Variants in LRMDA observed in about 807,000 individuals in gnomAD.
LRMDA encodes leucine rich melanocyte differentiation associated.
In LRMDA, 18 loss-of-function variants were observed where a neutral mutation model predicts 29.8. That is an observed-to-expected ratio of 0.60 (90% confidence interval 0.42 to 0.90). The LOEUF (loss-of-function observed/expected upper bound fraction) is 0.90, where lower values mean the gene tolerates loss of function less well. Among genes scored for constraint, LRMDA ranks in the 40% least tolerant of loss-of-function variants. The pLI, the probability that LRMDA is intolerant of heterozygous loss-of-function variation, is 0.00. For missense variants in LRMDA, 273 were observed against 273.9 expected, an observed-to-expected ratio of 1.00 and a Z score of 0.02; for synonymous variants, 125 against 109.4, an observed-to-expected ratio of 1.14 and a Z score of -0.89.
chr10:76,067,211 C>G (rs532434987), intron 5 of LRMDA, among the ~76,000 whole-genome samples: 11 of 152,272 alleles, frequency 7.2e-5, no homozygotes, highest in African/African-American at 2.2e-4. Flanking sequence ...GCCCCTGTCC[C>G]TTATAGTATT....
rs369029895 is a variant in LRMDA, at chr10:76,418,397, A to G, written c.601+93912A>G. Among the ~76,000 whole-genome samples, 27 of 151,730 alleles carry G rather than the reference A, an allele frequency of 1.8e-4. 1 individual carries two copies. In the East Asian group the frequency reaches 3.3e-3, roughly 19 times the overall value. On this transcript the variant is annotated intron_variant, in intron 6 of 6. Coordinates refer to ENST00000611255, the MANE Select transcript of LRMDA (RefSeq NM_001305581.2). ...GTCTTGTACATATTTCATTATATTTATATGTATATGATTTTTCAAAATAGT... is the reference window on the plus strand; with the variant it reads ...GTCTTGTACATATTTCATTATATTTGTATGTATATGATTTTTCAAAATAGT...
intron 2 of LRMDA, among the ~76,000 whole-genome samples, chr10:75,573,606 G>GT (rs1840463878): frequency 6.6e-6 from 1 of 151,962 alleles, no homozygotes; most frequent in South Asian, 2.1e-4. Context: ...TTTGAAGACT[G>GT]TTTTTTAAGA....
At chr10:76,423,916 G>A (rs1292290681) in intron 6 of LRMDA, among the ~76,000 whole-genome samples, 1 of 152,162 alleles carries the variant, frequency 6.6e-6, no homozygotes, top group Admixed American at 6.5e-5. Flanking sequence ...AGACCTGGGG[G>A]TCTCCTGACT....
chr10:75,841,109 T>C (rs1317893222), intron 2 of LRMDA, among the ~76,000 whole-genome samples: 1 of 152,204 alleles, frequency 6.6e-6, no homozygotes, highest in Non-Finnish European at 1.5e-5. Flanking sequence ...GGCATTCACT[T>C]TGAAGCAAAG....
At chr10:75,644,377 T>G (rs868455711) in intron 2 of LRMDA, among the ~76,000 whole-genome samples, 2 of 152,226 alleles carry the variant, frequency 1.3e-5, no homozygotes, top group African/African-American at 4.8e-5. Context: ...CTCTTTGTTC[T>G]GTTTTATCAT....
intron 2 of LRMDA, among the ~76,000 whole-genome samples, chr10:75,881,425 A>G (rs1380155710): frequency 6.6e-6 from 1 of 152,204 alleles, no homozygotes; most frequent in Non-Finnish European, 1.5e-5. Flanking sequence ...TCAAAAGGAA[A>G]GCCCCAACTT....
At chr10:75,534,551 G>T (rs900597308) in intron 2 of LRMDA, among the ~76,000 whole-genome samples, 2 of 152,178 alleles carry the variant, frequency 1.3e-5, no homozygotes, top group African/African-American at 4.8e-5. Flanking sequence ...AATAGTTTCT[G>T]ATCTTTAGCT....
intron 5 of LRMDA, among the ~76,000 whole-genome samples, chr10:76,285,902 T>C (rs747534356): frequency 6.6e-6 from 1 of 152,202 alleles, no homozygotes; most frequent in Non-Finnish European, 1.5e-5. Context: ...GAAAAGGCAG[T>C]AAATTCATAT....
At chr10:76,380,642 C>A (rs1370701102) in intron 6 of LRMDA, among the ~76,000 whole-genome samples, 1 of 144,970 alleles carries the variant, frequency 6.9e-6, no homozygotes, top group Non-Finnish European at 1.5e-5. Flanking sequence ...GCACTCCAGC[C>A]TGGGCGACAG....
intron 2 of LRMDA, among the ~76,000 whole-genome samples, chr10:75,960,706 AG>A (rs1215592116): frequency 2.0e-5 from 3 of 152,146 alleles, no homozygotes; most frequent in African/African-American, 7.2e-5. Context: ...CTCTGTCTCC[AG>A]GGTTCAAGTG....
In LRMDA at chr10:75,736,442, C is replaced by T. The variant is rs149345190; in HGVS notation, c.131+297948C>T. On this transcript the variant is annotated intron_variant, in intron 2 of 6. Transcript: ENST00000611255. ...ATTATTAAACACACACAGCGGGAGA[C>T]GGAGGATTTACCATTGTCATGCGGT... 1.1e-3 allele frequency among the ~76,000 whole-genome samples: 172 copies of T among 152,240 alleles called. 2 individuals are homozygous for T. The highest frequency in any genetic ancestry group is 3.1e-3 in the African/African-American group (129 of 41,530).
chr10:75,648,301 T>C (rs1182406273), intron 2 of LRMDA, among the ~76,000 whole-genome samples: 2 of 152,180 alleles, frequency 1.3e-5, no homozygotes, highest in Non-Finnish European at 2.9e-5. Context: ...AACCTGATGC[T>C]TCTCACCCTG....
chr10:76,379,871 C>T (rs1458456810), intron 6 of LRMDA, among the ~76,000 whole-genome samples: 2 of 152,088 alleles, frequency 1.3e-5, no homozygotes, highest in Non-Finnish European at 2.9e-5. Flanking sequence ...CTCTTAGCAC[C>T]ACGTTTGCTG....
chr10:75,847,298 A>G (rs11598466), intron 2 of LRMDA, among the ~76,000 whole-genome samples: 1 of 152,198 alleles, frequency 6.6e-6, no homozygotes, highest in Non-Finnish European at 1.5e-5. Flanking sequence ...AAAGTGGATA[A>G]CCATATGCAA....
intron 2 of LRMDA, among the ~76,000 whole-genome samples, chr10:75,471,711 C>T (rs1267065480): frequency 3.3e-5 from 5 of 152,252 alleles, no homozygotes; most frequent in African/African-American, 7.2e-5. Flanking sequence ...CTCATGCTGA[C>T]GTACTTTAAT....
intron 2 of LRMDA, among the ~76,000 whole-genome samples, chr10:75,595,355 A>G (rs973436421): frequency 2.6e-5 from 4 of 152,144 alleles, no homozygotes; most frequent in Non-Finnish European, 5.9e-5. Context: ...ATCTCAGCTC[A>G]TCTAATTTGG....
At chr10:75,839,067 T>C (rs553848344) in intron 2 of LRMDA, among the ~76,000 whole-genome samples, 2 of 152,332 alleles carry the variant, frequency 1.3e-5, no homozygotes, top group South Asian at 4.1e-4. Flanking sequence ...ATCCTTCACT[T>C]AGCTTTTTAT....
intron 2 of LRMDA, among the ~76,000 whole-genome samples, chr10:75,737,668 C>T (rs941646063): frequency 4.6e-5 from 7 of 152,210 alleles, no homozygotes; most frequent in Admixed American, 2.6e-4. Context: ...TGCCTCCCTC[C>T]TTTTAATCTT....
At chr10:76,075,142 T>C (rs1848937072) in intron 5 of LRMDA, among the ~76,000 whole-genome samples, 1 of 152,230 alleles carries the variant, frequency 6.6e-6, no homozygotes, top group Non-Finnish European at 1.5e-5. Context: ...GCGGACATTG[T>C]GCACTGACCT....
Sources: gnomAD v4.1 joint callset for allele counts (sites outside exome capture counted in the v4.1 genomes callset) on GRCh38, gnomAD v4.1.1 for gene constraint, MANE v1.5 for transcripts, NCBI Gene and HGNC (gene_info 2026-07-23, HGNC 2026-07-21) for gene names.